The following ATAD1 variants were observed in gnomAD, a reference collection of about 807,000 sequenced individuals.
The protein encoded by ATAD1 is ATPase family AAA domain containing 1, also known as outer mitochondrial transmembrane helix translocase.
In ATAD1, 18 loss-of-function variants were observed where a neutral mutation model predicts 42.7. The ratio of observed to expected loss-of-function variants is 0.42; its 90% CI spans 0.29 to 0.63. ATAD1 has a LOEUF of 0.63. Ranked by LOEUF, ATAD1 falls within the 20% of genes least tolerant of loss-of-function variation. ATAD1 has a pLI of 0.19. For synonymous variants in ATAD1, 132 were observed against 143.1 expected, an observed-to-expected ratio of 0.92 and a Z score of 0.55; for missense variants, 294 against 440.4, an observed-to-expected ratio of 0.67 and a Z score of 2.98.
At position 87,814,482 on chromosome 10, in the gene ATAD1, C is replaced by T; in HGVS notation, c.118G>A (p.Ala40Thr). Residue 40 changes from alanine to threonine, a missense_variant, in exon 2 of 10, where the codon GCA (alanine) becomes ACA (threonine). Around this residue, in one of 3 missense-constraint regions of ATAD1, gnomAD observed 121 missense variants for 187.3 expected, o/e 0.65. Coordinates refer to ENST00000680024, the MANE Select transcript of ATAD1 (RefSeq NM_001321967.2). ...TYFTIKWMVD[A>T]IDPTRKQKVE... ...TTTTGCTTTCTGGTTGGATCAATTG[C>T]ATCTACCATCCATTTGATAGTAAAG... 1 of 1,605,550 alleles carries T rather than the reference C, an allele frequency of 6.2e-7. No individual in the cohort carries two copies. The highest frequency in any genetic ancestry group is 8.5e-7 in the Non-Finnish European group (1 of 1,176,090).
At chr10:87,795,539 G>T (rs1856344119) in intron 2 of ATAD1, among the ~76,000 whole-genome samples, 1 of 151,334 alleles carries the variant, frequency 6.6e-6, no homozygotes, top group South Asian at 2.1e-4. Context: ...TGGATGGGGA[G>T]TGTGTGGGGG....
chr10:87,818,342 G>A (rs941297811), upstream of ATAD1: 7 of 843,466 alleles, frequency 8.3e-6, no homozygotes, highest in Non-Finnish European at 1.0e-5. Context: ...AAACAGTGAG[G>A]GAGAGCAAAT....
chr10:87,774,455 A>C (rs1433416077), intron 6 of ATAD1, among the ~76,000 whole-genome samples: 1 of 152,208 alleles, frequency 6.6e-6, no homozygotes, highest in Non-Finnish European at 1.5e-5. Flanking sequence ...ATGAGTAATA[A>C]GCAAGAGCCT....
chr10:87,833,448 CTG>C (rs1300712924), intron 1 of ATAD1, among the ~76,000 whole-genome samples: 1 of 152,062 alleles, frequency 6.6e-6, no homozygotes, highest in Non-Finnish European at 1.5e-5. Context: ...CTTTCCCTAT[CTG>C]TATGTCTTTT....
At chr10:87,808,309 T>A in intron 2 of ATAD1, among the ~76,000 whole-genome samples, 1 of 123,878 alleles carries the variant, frequency 8.1e-6, no homozygotes. Context: ...AACAAAGAAG[T>A]AAACAAAGTA....
intron 6 of ATAD1, among the ~76,000 whole-genome samples, chr10:87,773,394 C>T (rs1855142747): frequency 6.6e-6 from 1 of 152,030 alleles, no homozygotes; most frequent in South Asian, 2.1e-4. Context: ...TCCTTGGTGA[C>T]CATATTACAA....
At chr10:87,818,718 A>G (rs1284911657), upstream of ATAD1, 1 of 151,984 alleles carries the variant, frequency 6.6e-6, no homozygotes, top group Non-Finnish European at 1.5e-5. Flanking sequence ...TTCTCGGGTG[A>G]GCTCACCCTT....
At chr10:87,784,447 C>G (rs764833724) in intron 5 of ATAD1, 23 bp downstream of exon 5, 1 of 1,604,590 alleles carries the variant, frequency 6.2e-7, no homozygotes, top group South Asian at 1.1e-5. Flanking sequence ...TTTAAAAATA[C>G]TCATATAGAA....
At chr10:87,814,349 T>C (rs983415296) in intron 2 of ATAD1, 89 bp downstream of exon 2, 2 of 1,252,980 alleles carry the variant, frequency 1.6e-6, no homozygotes, top group African/African-American at 1.5e-5. Flanking sequence ...GAATTTCTCA[T>C]TAATTTGTGA....
intron 2 of ATAD1, among the ~76,000 whole-genome samples, chr10:87,794,655 A>C (rs6586102): frequency 0.31 from 47,763 of 151,930 alleles, 7,849 homozygotes; most frequent in African/African-American, 0.36. Flanking sequence ...CATCCCAAAT[A>C]ATTATTGGCC....
In ATAD1 at chr10:87,752,686, T is replaced by C. The variant is rs1306711056; in HGVS notation, c.*2001A>G. The C allele has an allele frequency of 6.6e-6, 1 of 152,172 alleles. No individual in the cohort carries two copies. Among genetic ancestry groups the C allele is most frequent in the Non-Finnish European group, 1.5e-5 (1 of 68,030 alleles). The allele number at this position is 152,172 out of a possible 1,614,324, so 9.4% of individuals were successfully genotyped here. A position where few individuals can be genotyped will look rare whatever the true frequency, so the allele number is the denominator to read the frequency against. ...TGCATGTCTAAAACAGAAGGATAGA[T>C]GTTACATAACACTAAAAGTTATTTA... On this transcript the variant is annotated 3_prime_UTR_variant, in exon 10 of 10. Coordinates refer to ENST00000680024, the MANE Select transcript of ATAD1 (RefSeq NM_001321967.2).
At chr10:87,813,972 A>G (rs1333420440) in intron 2 of ATAD1, among the ~76,000 whole-genome samples, 2 of 152,122 alleles carry the variant, frequency 1.3e-5, no homozygotes, top group African/African-American at 4.8e-5. Flanking sequence ...GTTAAAAACT[A>G]CAGCTTATAT....
At chr10:87,838,293 G>A (rs972565066) in intron 1 of ATAD1, among the ~76,000 whole-genome samples, 1 of 151,944 alleles carries the variant, frequency 6.6e-6, no homozygotes, top group African/African-American at 2.4e-5. Context: ...TTAGAAGGCC[G>A]AGGTGGTCGG....
chr10:87,758,244 TTATG>T (rs1447085949), intron 8 of ATAD1, among the ~76,000 whole-genome samples: 1 of 152,078 alleles, frequency 6.6e-6, no homozygotes, highest in African/African-American at 2.4e-5. Context: ...AACTTAGACT[TTATG>T]TATGTATGTC....
intron 2 of ATAD1, among the ~76,000 whole-genome samples, chr10:87,812,068 T>C (rs1305397224): frequency 6.6e-6 from 1 of 152,162 alleles, no homozygotes; most frequent in East Asian, 1.9e-4. Flanking sequence ...CTCAAGTCAT[T>C]CCTTTTGTCA....
At chr10:87,777,298 A>G (rs1228746807) in intron 5 of ATAD1, among the ~76,000 whole-genome samples, 1 of 152,224 alleles carries the variant, frequency 6.6e-6, no homozygotes, top group East Asian at 1.9e-4. Context: ...ACATGGAAAA[A>G]TGAGCAAAAC....
chr10:87,770,787 T>TAA (rs10670335), intron 7 of ATAD1, among the ~76,000 whole-genome samples, 165 bp downstream of exon 7: 61,787 of 151,824 alleles, frequency 0.41, 13,467 homozygotes, highest in African/African-American at 0.57. Flanking sequence ...AGGATAGAAA[T>TAA]AGAGAGTGGA....
chr10:87,783,584 CA>C (rs1360007596), intron 5 of ATAD1, among the ~76,000 whole-genome samples: 1 of 151,354 alleles, frequency 6.6e-6, no homozygotes, highest in Non-Finnish European at 1.5e-5. Flanking sequence ...AAATATAATT[CA>C]AAACTACAGT....
At chr10:87,832,840 T>G (rs905634342) in intron 1 of ATAD1, 1 of 152,188 alleles carries the variant, frequency 6.6e-6, no homozygotes, top group Non-Finnish European at 1.5e-5. Context: ...CTTGCTATGT[T>G]ACCCAGGCTA....
Sources: gnomAD v4.1 joint callset for allele counts (sites outside exome capture counted in the v4.1 genomes callset) on GRCh38, gnomAD v4.1.1 for gene constraint, gnomAD v4.1.1 regional missense constraint, MANE v1.5 for transcripts, NCBI Gene and HGNC (gene_info 2026-07-23, HGNC 2026-07-21) for gene names.